PPAT: variants seen among roughly 807,000 people sequenced by gnomAD.
PPAT encodes phosphoribosyl pyrophosphate amidotransferase.
Under a neutral mutation model 60.2 loss-of-function variants are expected in PPAT, and 20 were observed. The observed-to-expected ratio is 0.33, with a 90% CI of 0.23 to 0.48. The LOEUF is 0.48. PPAT is among the 20% of genes least tolerant of loss of function. The pLI is 0.99. For synonymous variants in PPAT, 194 were observed against 215.1 expected (o/e 0.90, Z 0.86); for missense variants, 349 against 629.6 (o/e 0.55, Z 4.77).
intron 1 of PPAT, chr4:56,422,481 ACGTGTGTG>A: frequency 1.3e-5 from 1 of 77,444 alleles, no homozygotes; most frequent in East Asian, 3.7e-4. Context: ...TTTTTTTTGT[ACGTGTGTG>A]TGTGTGTGTG....
At chr4:56,406,917 C>T (rs898269943) in intron 2 of PPAT, among the ~76,000 whole-genome samples, 9 of 152,132 alleles carry the variant, frequency 5.9e-5, no homozygotes, top group Admixed American at 4.6e-4. Context: ...AGGCAAAAGT[C>T]ACATACCATA....
Position 56,435,598 on chromosome 4 carries a change from A to C in PPAT, c.-121T>G. The C allele has an allele frequency of 6.5e-7, 1 of 1,546,322 alleles. No individual in the cohort carries two copies. The highest frequency in any genetic ancestry group is 1.2e-5 in the South Asian group (1 of 82,948). ...GCTCGCGACAGGCTCTTCCTTCCCG[A>C]GGGTGGCCCCAGCTACTGCGGCGGC... On this transcript the variant is annotated 5_prime_UTR_variant, in exon 1 of 11. Coordinates refer to ENST00000264220, the MANE Select transcript of PPAT (RefSeq NM_002703.5).
chr4:56,416,712 T>C (rs1019844207), intron 1 of PPAT, among the ~76,000 whole-genome samples: 9 of 152,232 alleles, frequency 5.9e-5, no homozygotes, highest in African/African-American at 1.9e-4. Context: ...CTCATAGTAA[T>C]GAACATGATC....
intron 1 of PPAT, among the ~76,000 whole-genome samples, chr4:56,417,405 A>G (rs1404201231): frequency 1.3e-5 from 2 of 152,184 alleles, no homozygotes; most frequent in Non-Finnish European, 2.9e-5. Context: ...AACCTGACAA[A>G]AGTTATTAAT....
chr4:56,422,781 C>A (rs151194347), intron 1 of PPAT: 6 of 152,218 alleles, frequency 3.9e-5, no homozygotes, highest in East Asian at 1.9e-4. Flanking sequence ...TGGATCATAA[C>A]TCAAAACACA....
intron 10 of PPAT, 125 bp from the exon 11 acceptor site, chr4:56,395,673 TTA>T: frequency 2.5e-5 from 16 of 636,684 alleles, no homozygotes; most frequent in South Asian, 6.6e-5. Flanking sequence ...TAGCCTTTCT[TTA>T]AAAAAAAAAA....
At chr4:56,405,627 TA>T (rs1716223816) in intron 3 of PPAT, among the ~76,000 whole-genome samples, 1 of 152,190 alleles carries the variant, frequency 6.6e-6, no homozygotes, top group Admixed American at 6.5e-5. Context: ...CCACAATGAC[TA>T]GGTTCAGAGA....
At chr4:56,402,937 T>A in intron 5 of PPAT, 103 bp downstream of exon 5, 1 of 1,005,086 alleles carries the variant, frequency 9.9e-7, no homozygotes, top group Non-Finnish European at 1.4e-6. Flanking sequence ...CCTAGCTCCC[T>A]CCCACCCATC....
At position 56,394,341 on chromosome 4, in the gene PPAT, A is replaced by G. The variant is rs1715909077; in HGVS notation, c.*1011T>C. ...GTCTGTACTTGATCACTTAATTGCA[A>G]TAATATTTATGTGTATGTGTACATG... On this transcript the variant is annotated 3_prime_UTR_variant, in exon 11 of 11. Transcript: ENST00000264220. 1 of 152,166 alleles carries G rather than the reference A, an allele frequency of 6.6e-6. No homozygotes were observed. The highest frequency in any genetic ancestry group is 1.5e-5 in the Non-Finnish European group (1 of 68,012). The allele number at this position is 152,166 out of a possible 1,614,324, so 9.4% of individuals were successfully genotyped here.
At chr4:56,404,106 G>A in intron 3 of PPAT, 1 of 381,424 alleles carries the variant, frequency 2.6e-6, no homozygotes, top group South Asian at 2.0e-5. Flanking sequence ...CATGGCTGGA[G>A]GCAATAGGAA....
At chr4:56,432,525 CAAAAA>C (rs34998854) in intron 1 of PPAT, among the ~76,000 whole-genome samples, 3 of 75,360 alleles carry the variant, frequency 4.0e-5, no homozygotes, top group South Asian at 4.3e-4. Flanking sequence ...GACCCTGTCT[CAAAAA>C]AAAAAAAAAA....
intron 5 of PPAT, among the ~76,000 whole-genome samples, chr4:56,402,518 T>G (rs1716138242): frequency 6.6e-6 from 1 of 152,012 alleles, no homozygotes; most frequent in South Asian, 2.1e-4. Flanking sequence ...ATTAAAAACA[T>G]TAAAAGGGAT....
rs1205539466 is a variant in PPAT at position 56,395,208 on chromosome 4, A to T, written c.*144T>A. On this transcript the variant is annotated 3_prime_UTR_variant, in exon 11 of 11. Coordinates refer to ENST00000264220, the MANE Select transcript of PPAT (RefSeq NM_002703.5). ...ATCGCACTTTGGTATCCTTTTCAGAAAAAAAAAAAATCTCAAAACTTATAA... is the reference window on the plus strand; with the variant it reads ...ATCGCACTTTGGTATCCTTTTCAGATAAAAAAAAAATCTCAAAACTTATAA... 6 of 736,786 alleles carry T rather than the reference A, an allele frequency of 8.1e-6. No homozygotes were observed. The highest frequency in any genetic ancestry group is 1.3e-5 in the Non-Finnish European group (6 of 478,954). The allele number at this position is 736,786 out of a possible 1,614,324, so 45.6% of individuals were successfully genotyped here.
intron 1 of PPAT, among the ~76,000 whole-genome samples, chr4:56,428,129 A>G (rs904273593): frequency 6.6e-6 from 1 of 152,224 alleles, no homozygotes; most frequent in South Asian, 2.1e-4. Context: ...TTTGACTCAT[A>G]TTGAAGTTAT....
intron 9 of PPAT, among the ~76,000 whole-genome samples, chr4:56,398,538 C>T (rs1173551888): frequency 1.3e-5 from 2 of 151,774 alleles, no homozygotes; most frequent in African/African-American, 4.8e-5. Context: ...CAATCTCTAC[C>T]TCCTGGGCTC....
intron 8 of PPAT, 47 bp downstream of exon 8, chr4:56,400,737 C>T: frequency 6.5e-7 from 1 of 1,540,640 alleles, no homozygotes; most frequent in Non-Finnish European, 8.8e-7. Flanking sequence ...GTTTCTTATT[C>T]CACAGCTGGG....
At chr4:56,410,053 C>A (rs1206634751) in intron 1 of PPAT, among the ~76,000 whole-genome samples, 2 of 152,078 alleles carry the variant, frequency 1.3e-5, no homozygotes, top group African/African-American at 2.4e-5. Flanking sequence ...CTTATGATTT[C>A]TTTTATTTAG....
chr4:56,398,873 G>A (rs962680279), intron 9 of PPAT, among the ~76,000 whole-genome samples: 2 of 148,928 alleles, frequency 1.3e-5, no homozygotes, highest in Non-Finnish European at 3.0e-5. Flanking sequence ...GGCTGTTCTC[G>A]AACTCCTGGG....
At position 56,411,101 on chromosome 4, in the gene PPAT, TACC is replaced by T. The variant is rs1716442611; in HGVS notation, c.129-3388_129-3386del. Among the ~76,000 whole-genome samples, 3 of 152,168 alleles carry T rather than the reference TACC, an allele frequency of 2.0e-5. No individual in the cohort carries two copies. In the South Asian group the frequency reaches 6.2e-4, roughly 32 times the overall value. On this transcript the variant is annotated intron_variant, in intron 1 of 10. Transcript: ENST00000264220. ...ATTTTTTTAAAAAGAGGTTAAATAT[TACC>T]ACTTTAAAAAAATCTGTAAAATACA... is the stretch of plus-strand genomic sequence containing the variant.
Sources: allele counts gnomAD v4.1 joint callset (sites outside exome capture counted in the v4.1 genomes callset), GRCh38; gene constraint gnomAD v4.1.1; transcripts MANE v1.5; gene names NCBI Gene and HGNC (gene_info 2026-07-23, HGNC 2026-07-21).